Variants in CMIP observed in about 807,000 individuals in gnomAD.
The protein encoded by CMIP is C-Maf-inducing protein.
A neutral mutation model predicts 97.3 loss-of-function variants in CMIP; 13 were observed. That is an observed-to-expected ratio of 0.13 (90% CI 0.09 to 0.21). The LOEUF (loss-of-function observed/expected upper bound fraction) is 0.21, where lower values mean the gene tolerates loss of function less well. Among genes scored for constraint, CMIP ranks in the 10% least tolerant of loss-of-function variants. The pLI is 1.00. For synonymous variants in CMIP, 538 were observed against 436.3 expected, an observed-to-expected ratio of 1.23 and a Z score of -2.91; for missense variants, 847 against 1,024.9, an observed-to-expected ratio of 0.83 and a Z score of 2.37.
chr16:81,629,973 AT>A (rs1169104105), intron 3 of CMIP, among the ~76,000 whole-genome samples: 8 of 152,198 alleles, frequency 5.3e-5, no homozygotes, highest in African/African-American at 1.9e-4. Context: ...GAGGAGGGGT[AT>A]TTTTAGGTGG....
intron 1 of CMIP, among the ~76,000 whole-genome samples, chr16:81,475,423 T>C (rs895851231): frequency 2.6e-5 from 4 of 152,278 alleles, no homozygotes; most frequent in African/African-American, 9.6e-5. Flanking sequence ...TTGATGTTTA[T>C]TCTTGTGCAT....
intron 20 of CMIP, among the ~76,000 whole-genome samples, 175 bp from the exon 21 acceptor site, chr16:81,709,571 G>A (rs1456903098): frequency 6.6e-6 from 1 of 152,222 alleles, no homozygotes; most frequent in Non-Finnish European, 1.5e-5. Flanking sequence ...CATCCCACCT[G>A]CTCTGTTCTC....
At chr16:81,459,960 C>T (rs1906803942) in intron 1 of CMIP, among the ~76,000 whole-genome samples, 1 of 152,222 alleles carries the variant, frequency 6.6e-6, no homozygotes, top group Non-Finnish European at 1.5e-5. Context: ...ACCCATGGAC[C>T]AAGGGGACTT....
intron 1 of CMIP, among the ~76,000 whole-genome samples, chr16:81,516,413 A>T (rs1567554109): frequency 6.6e-6 from 1 of 152,070 alleles, no homozygotes; most frequent in Non-Finnish European, 1.5e-5. Flanking sequence ...TTCCTAAAGG[A>T]GCTCTACTTC....
intron 3 of CMIP, among the ~76,000 whole-genome samples, chr16:81,641,802 G>A (rs546332571): frequency 1.3e-5 from 2 of 152,302 alleles, no homozygotes; most frequent in South Asian, 2.1e-4. Flanking sequence ...CCGAGGAGGC[G>A]AGGCTCAACT....
intron 3 of CMIP, among the ~76,000 whole-genome samples, chr16:81,624,051 T>G (rs1289140335): frequency 2.0e-5 from 3 of 152,134 alleles, no homozygotes; most frequent in African/African-American, 4.8e-5. Context: ...TCTCCCCTCT[T>G]TATTTACAAC....
intron 1 of CMIP, among the ~76,000 whole-genome samples, chr16:81,529,983 A>T (rs974223348): frequency 2.0e-5 from 3 of 152,222 alleles, no homozygotes; most frequent in Admixed American, 2.0e-4. Context: ...GGGACATCTG[A>T]AAACCTTTGT....
At position 81,552,637 on chromosome 16, in the gene CMIP, A is replaced by C. The variant is rs140609888; in HGVS notation, c.301-54930A>C. On this transcript the variant is annotated intron_variant, in intron 1 of 20. Coordinates refer to ENST00000537098, the MANE Select transcript of CMIP (RefSeq NM_198390.3). ...TGGGACCAACTCGACAATCTGGGAG[A>C]ATCTCCCATCTCAAGGTCCTTAATG... Among the ~76,000 whole-genome samples the C allele has an allele frequency of 2.5e-3, 379 of 152,164 alleles. 2 individuals carry two copies. Among genetic ancestry groups the C allele is most frequent in the African/African-American group, 8.5e-3 (352 of 41,492 alleles).
At chr16:81,480,491 G>T (rs1908192366) in intron 1 of CMIP, among the ~76,000 whole-genome samples, 1 of 152,328 alleles carries the variant, frequency 6.6e-6, no homozygotes, top group African/African-American at 2.4e-5. Flanking sequence ...AGTGAGCCAA[G>T]ATCGTGCCAC....
intron 1 of CMIP, among the ~76,000 whole-genome samples, chr16:81,447,183 G>A (rs1275604983): frequency 6.6e-6 from 1 of 151,914 alleles, no homozygotes; most frequent in Non-Finnish European, 1.5e-5. Context: ...GGATTCTGGA[G>A]ACCCCAGATC....
intron 3 of CMIP, among the ~76,000 whole-genome samples, chr16:81,635,066 A>G (rs72829098): frequency 0.11 from 15,995 of 152,210 alleles, 927 homozygotes; most frequent in South Asian, 0.19. Flanking sequence ...CTCCCACACC[A>G]CAGAGGAAGA....
At chr16:81,693,612 G>C in intron 13 of CMIP, 125 bp downstream of exon 13, 1 of 1,045,326 alleles carries the variant, frequency 9.6e-7, no homozygotes, top group Admixed American at 2.4e-5. Flanking sequence ...GAGACCCATT[G>C]CCTGTGTATA....
rs1303855614 is a variant in CMIP, at chr16:81,445,215, C to T, written c.-27C>T. 6.8e-7 allele frequency: 1 copy of T among 1,466,166 alleles called. No individual in the cohort carries two copies. The highest frequency in any genetic ancestry group is 1.4e-5 in the African/African-American group (1 of 70,636). The allele number at this position is 1,466,166 out of a possible 1,614,324, so 90.8% of individuals were successfully genotyped here. A position where few individuals can be genotyped will look rare whatever the true frequency, so the allele number is the denominator to read the frequency against. ...AGCCCAGGACAGCCCCCTCTCCCCGCCCCCAGCCCCCTCCCCCGGCGCGGC... is the reference window on the plus strand; with the variant it reads ...AGCCCAGGACAGCCCCCTCTCCCCGTCCCCAGCCCCCTCCCCCGGCGCGGC... On this transcript the variant is annotated 5_prime_UTR_variant, in exon 1 of 21. Transcript: ENST00000537098.
intron 1 of CMIP, among the ~76,000 whole-genome samples, chr16:81,458,935 TACCATC>T (rs148708289): frequency 0.05 from 7,573 of 152,218 alleles, 226 homozygotes; most frequent in South Asian, 0.12. Context: ...AGATGTTTGC[TACCATC>T]ATCATCATCA....
At position 81,646,328 on chromosome 16, in the gene CMIP, T is replaced by C. The variant is rs961616214; in HGVS notation, c.478-5875T>C. ...GATGTGTGGGTGAATGGTAGGTGGG[T>C]GAGTAGATGATGGATGGGTGGATGG... On this transcript the variant is annotated intron_variant, in intron 3 of 20. Coordinates refer to ENST00000537098, the MANE Select transcript of CMIP (RefSeq NM_198390.3). 1.8e-4 allele frequency among the ~76,000 whole-genome samples: 28 copies of C among 151,948 alleles called. 1 individual carries two copies. Among genetic ancestry groups the C allele is most frequent in the African/African-American group, 6.3e-4 (26 of 41,410 alleles).
Position 81,599,014 on chromosome 16 carries a change from G to C in CMIP, c.301-8553G>C, listed in dbSNP as rs529399403. Among the ~76,000 whole-genome samples the C allele has an allele frequency of 2.4e-3, 358 of 151,040 alleles. 1 individual carries two copies. Among genetic ancestry groups the C allele is most frequent in the Non-Finnish European group, 4.2e-3 (283 of 67,868 alleles). On this transcript the variant is annotated intron_variant, in intron 1 of 20. Transcript: ENST00000537098. Reference sequence around the variant, plus strand: ...AAGAGTAGTAACCTTTTGAGGGCCTGGCATGGGGGAAGGTGCAGTGTCAAG... The same window carrying C: ...AAGAGTAGTAACCTTTTGAGGGCCTCGCATGGGGGAAGGTGCAGTGTCAAG...
At position 81,678,208 on chromosome 16, in the gene CMIP, C is replaced by T. The variant is rs909042988; in HGVS notation, c.1035-67C>T. On this transcript the variant is annotated intron_variant, in intron 9 of 20. Transcript: ENST00000537098. ...CCTGGGATTCAGGGAGGCCTTTAGT[C>T]TGATGGGTCATGGTGCATCATGAAC... The T allele has an allele frequency of 3.2e-6, 4 of 1,255,280 alleles. No individual in the cohort carries two copies. In the Admixed American group the frequency reaches 1.0e-4, roughly 32 times the overall value. 77.8% of individuals were successfully genotyped at this position (1,255,280 alleles called of 1,614,324 possible). A position where few individuals can be genotyped will look rare whatever the true frequency, so the allele number is the denominator to read the frequency against.
intron 1 of CMIP, among the ~76,000 whole-genome samples, chr16:81,552,441 A>T (rs960911054): frequency 6.6e-6 from 1 of 152,184 alleles, no homozygotes; most frequent in African/African-American, 2.4e-5. Flanking sequence ...TAGGTGGGCT[A>T]TGTTAGGATG....
In CMIP at chr16:81,672,210, C is replaced by T. The variant is rs1291246779; in HGVS notation, c.1034+140C>T. The T allele has an allele frequency of 7.2e-6, 4 of 557,152 alleles. No homozygotes were observed. The Admixed American group carries it at 1.2e-4, about 17-fold the overall frequency. 34.5% of individuals were successfully genotyped at this position (557,152 alleles called of 1,614,324 possible). A position where few individuals can be genotyped will look rare whatever the true frequency, so the allele number is the denominator to read the frequency against. ...TGGGCAGACCTCATGGTGTGTTTGC[C>T]AGTTCCCCTGGGCACATTGATTCAT... is the stretch of plus-strand genomic sequence containing the variant. On this transcript the variant is annotated intron_variant, in intron 9 of 20. Coordinates refer to ENST00000537098, the MANE Select transcript of CMIP (RefSeq NM_198390.3).
Sources: gnomAD v4.1 joint callset for allele counts (sites outside exome capture counted in the v4.1 genomes callset) on GRCh38, gnomAD v4.1.1 for gene constraint, MANE v1.5 for transcripts, NCBI Gene and HGNC (gene_info 2026-07-23, HGNC 2026-07-21) for gene names.